The following MAEA variants were observed in gnomAD, a reference collection of about 807,000 sequenced individuals.
The protein encoded by MAEA is E3 ubiquitin-protein transferase MAEA.
A neutral mutation model predicts 46.2 loss-of-function variants in MAEA; 22 were observed. The observed-to-expected ratio is 0.48, with a 90% CI of 0.34 to 0.68. The LOEUF (loss-of-function observed/expected upper bound fraction) is 0.68. Among genes scored for constraint, MAEA ranks in the 30% least tolerant of loss-of-function variants. The pLI is 0.01. For synonymous variants in MAEA, 246 were observed against 222.6 expected (o/e 1.11, Z -0.94); for missense variants, 393 against 558.1 (o/e 0.70, Z 2.98).
At chr4:1,290,769 G>C (rs569269732) in intron 1 of MAEA, among the ~76,000 whole-genome samples, 1 of 152,212 alleles carries the variant, frequency 6.6e-6, no homozygotes, top group Middle Eastern at 3.2e-3. Flanking sequence ...ACGTCCGTCT[G>C]AGGACGGACG....
chr4:1,327,982 C>T (rs747630008), intron 5 of MAEA, among the ~76,000 whole-genome samples: 7 of 152,226 alleles, frequency 4.6e-5, no homozygotes, highest in East Asian at 1.9e-4. Context: ...TTTGAGGTCC[C>T]GACCGTCCAC....
At chr4:1,322,533 TG>T (rs1382685801) in intron 4 of MAEA, 30 bp downstream of exon 4, 1 of 1,610,944 alleles carries the variant, frequency 6.2e-7, no homozygotes, top group Non-Finnish European at 8.5e-7. Context: ...GGGGTGGGAG[TG>T]GGTCGGGGCC....
In MAEA at chr4:1,338,531, C is replaced by T. The variant is rs1262079565; in HGVS notation, c.1009C>T (p.Arg337Cys). Residue 337 changes from arginine (R) to cysteine (C), a missense_variant, in exon 8 of 9, where the codon CGC becomes TGC. By Grantham distance (180) the Arg-to-Cys change is radical (BLOSUM62 -3). Transcript: ENST00000303400. Reference protein sequence around the residue: ...PLPMAHCANSRLVCKISGDVM... With the variant: ...PLPMAHCANSCLVCKISGDVM... ...GCCCATGGCCCACTGTGCCAACTCC[C>T]GCCTGGTCTGCAAGATTTCTGGCGA... 11 of 1,613,288 alleles carry T rather than the reference C, an allele frequency of 6.8e-6. No individual in the cohort carries two copies. The highest frequency in any genetic ancestry group is 7.6e-6 in the Non-Finnish European group (9 of 1,180,024).
At position 1,315,613 on chromosome 4, in the gene MAEA, C is replaced by T; in HGVS notation, c.456+13C>T. On this transcript the variant is annotated intron_variant, in intron 3 of 8. Coordinates refer to ENST00000303400, the MANE Select transcript of MAEA (RefSeq NM_001017405.3). Reference sequence around the variant, plus strand: ...GAGCGGCATCGAGGTGGGTGCCCGCCAGACGCAGGCACAGCGCCCCAGCTG... The same window carrying T: ...GAGCGGCATCGAGGTGGGTGCCCGCTAGACGCAGGCACAGCGCCCCAGCTG... 1 of 1,611,826 alleles carries T rather than the reference C, an allele frequency of 6.2e-7. No homozygotes were observed. The highest frequency in any genetic ancestry group is 8.5e-7 in the Non-Finnish European group (1 of 1,178,970).
chr4:1,337,697 C>G (rs1174697644), intron 7 of MAEA: 1 of 171,752 alleles, frequency 5.8e-6, no homozygotes, highest in Non-Finnish European at 1.3e-5. Context: ...GCCTGTGACT[C>G]TGTCCTCGCC....
At chr4:1,320,450 A>T (rs763091159) in intron 3 of MAEA, among the ~76,000 whole-genome samples, 1 of 151,188 alleles carries the variant, frequency 6.6e-6, no homozygotes. Flanking sequence ...CAAAGCAAAT[A>T]TGCAAGAAAA....
chr4:1,315,686 C>A, intron 3 of MAEA, 86 bp downstream of exon 3: 1 of 1,346,834 alleles, frequency 7.4e-7, no homozygotes, highest in Non-Finnish European at 1.0e-6. Flanking sequence ...CCCGGCATGC[C>A]TGTGTCCCTA....
chr4:1,316,982 TCTAGACTCACCCCCAGGCCCACCCC>T (rs1560356932), intron 3 of MAEA, among the ~76,000 whole-genome samples: 55 of 69,500 alleles, frequency 7.9e-4, no homozygotes, highest in African/African-American at 2.1e-3. Context: ...GGCCCCACAC[TCTAGACTCACCCCCAGGCCCACCCC>T]GGCCCCCACA....
rs1733916454 is a variant in MAEA at position 1,289,939 on chromosome 4, A to G, written c.26A>G (p.Gln9Arg). 8 of 1,601,966 alleles carry G rather than the reference A, an allele frequency of 5.0e-6. No individual in the cohort carries two copies. The highest frequency in any genetic ancestry group is 2.7e-5 in the African/African-American group (2 of 74,410). MAVQESAA[Q>R]LSMTLKVQEY... ...ATGGCGGTGCAGGAGTCGGCGGCTC[A>G]GTTGTCCATGACCCTGAAGGTCCAG... Residue 9 changes from glutamine to arginine, a missense_variant, in exon 1 of 9, where the codon CAG (glutamine) becomes CGG (arginine). Coordinates refer to ENST00000303400, the MANE Select transcript of MAEA (RefSeq NM_001017405.3).
Position 1,339,079 on chromosome 4 carries a change from G to C in MAEA, c.1101G>C (p.Leu367=), listed in dbSNP as rs1387513165. The C allele has an allele frequency of 6.2e-7, 1 of 1,613,404 alleles. No individual in the cohort carries two copies. The highest frequency in any genetic ancestry group is 8.5e-7 in the Non-Finnish European group (1 of 1,179,598). ...PNGYVYGYNS[L]LSIRQDDKVV... is the part of the protein sequence containing the mutation. Reference sequence around the variant, plus strand: ...TTCCCGGTTTTATTTTTCAGTCTCTGCTTTCTATCCGTCAAGATGATAAAG... The same window carrying C: ...TTCCCGGTTTTATTTTTCAGTCTCTCCTTTCTATCCGTCAAGATGATAAAG... Residue 367 remains leucine (L), a synonymous_variant, in exon 9 of 9, where the codon CTG becomes CTC. Transcript: ENST00000303400.
At position 1,309,381 on chromosome 4, in the gene MAEA, C is replaced by T. The variant is rs147790238; in HGVS notation, c.70-2598C>T. ...GCCAGCCCAGGCCAGTGGAGGGGAGCTTTTAGGGCCCGGAGTCACGTGCTG... is the reference window on the plus strand; with the variant it reads ...GCCAGCCCAGGCCAGTGGAGGGGAGTTTTTAGGGCCCGGAGTCACGTGCTG... On this transcript the variant is annotated intron_variant, in intron 1 of 8. Transcript: ENST00000303400. The T allele has an allele frequency of 4.0e-5, 49 of 1,235,962 alleles. No homozygotes were observed. In the Admixed American group the frequency reaches 1.8e-3, roughly 45 times the overall value. 76.6% of individuals were successfully genotyped at this position (1,235,962 alleles called of 1,614,324 possible).
chr4:1,329,375 G>A (rs888857019), intron 5 of MAEA: 94 of 985,288 alleles, frequency 9.5e-5, no homozygotes, highest in Admixed American at 5.5e-4. Context: ...CTAGAGACTC[G>A]CGGGGCCTCC....
rs1414912068 is a variant in MAEA at position 1,332,758 on chromosome 4, CA to C, written c.659del (p.His220LeufsTer47). ...RQNKRLDAVR[H>X]ARKHFSQAEG... ...ATGTGCCAAAATGTTGTTTTTTAGA[CA>C]TGCAAGAAAGCACTTCAGCCAAGCA... On this transcript the variant is annotated frameshift_variant and splice_region_variant, in exon 6 of 9. Coordinates refer to ENST00000303400, the MANE Select transcript of MAEA (RefSeq NM_001017405.3). LOFTEE classifies it high-confidence loss of function. 1 of 1,608,178 alleles carries C rather than the reference CA, an allele frequency of 6.2e-7. No individual in the cohort carries two copies. The highest frequency in any genetic ancestry group is 8.5e-7 in the Non-Finnish European group (1 of 1,176,406).
At position 1,332,863 on chromosome 4, in the gene MAEA, A is replaced by G. The variant is rs1712027071; in HGVS notation, c.763A>G (p.Lys255Glu). The G allele has an allele frequency of 1.9e-6, 3 of 1,609,376 alleles. No individual in the cohort carries two copies. The highest frequency in any genetic ancestry group is 2.5e-6 in the Non-Finnish European group (3 of 1,177,114). Residue 255 changes from lysine to glutamate, a missense_variant and splice_region_variant, in exon 6 of 9, where the codon AAG becomes GAG. Around this residue, in one of 2 missense-constraint regions of MAEA, gnomAD observed 358 missense variants for 537.9 expected, o/e 0.67. Coordinates refer to ENST00000303400, the MANE Select transcript of MAEA (RefSeq NM_001017405.3). Reference protein sequence around the residue: ...FPPDTHISPYKDLLDPARWRM... With the variant: ...FPPDTHISPYEDLLDPARWRM... ...GCCCGACACGCACATCTCCCCGTAC[A>G]AGGTAGGGCGTGCGTCCCTGGGGTC...
At chr4:1,329,726 G>A (rs1739297963) in intron 5 of MAEA, 1 of 985,598 alleles carries the variant, frequency 1.0e-6, no homozygotes, top group Non-Finnish European at 1.2e-6. Flanking sequence ...GCATCGGCAG[G>A]ACGTTTGTGG....
intron 1 of MAEA, among the ~76,000 whole-genome samples, chr4:1,290,984 A>AG (rs1214695854): frequency 1.3e-5 from 2 of 152,186 alleles, no homozygotes; most frequent in African/African-American, 4.8e-5. Context: ...AAGCAGTGGT[A>AG]GCGCCTGTGT....
chr4:1,312,256 G>A lies in MAEA; in HGVS notation c.252+95G>A, dbSNP rs773387206. 21 of 1,473,690 alleles carry A rather than the reference G, an allele frequency of 1.4e-5. No homozygotes were observed. In the African/African-American group the frequency reaches 2.4e-4, roughly 17 times the overall value. The allele number at this position is 1,473,690 out of a possible 1,614,324, so 91.3% of individuals were successfully genotyped here. A position where few individuals can be genotyped will look rare whatever the true frequency, so the allele number is the denominator to read the frequency against. On this transcript the variant is annotated intron_variant, in intron 2 of 8. Transcript: ENST00000303400. ...TAAGACAGGCAAGCTGCAATGATGGGAACGCGGGAGGTGCGGTTGGGGGCC... is the reference window on the plus strand; with the variant it reads ...TAAGACAGGCAAGCTGCAATGATGGAAACGCGGGAGGTGCGGTTGGGGGCC...
Position 1,322,504 on chromosome 4 carries a change from G to A in MAEA, c.579+1G>A. 1.2e-6 allele frequency: 2 copies of A among 1,613,552 alleles called. No individual in the cohort carries two copies. Among genetic ancestry groups the A allele is most frequent in the Non-Finnish European group, 1.7e-6 (2 of 1,179,864 alleles). On this transcript the variant is annotated splice_donor_variant, in intron 4 of 8. Transcript: ENST00000303400. LOFTEE classifies it high-confidence loss of function. ...CAAGTCCCGGCTCCGGAAGATGAAGGTGCACGGACTCCCAGGTTGGGGTGG... is the reference window on the plus strand; with the variant it reads ...CAAGTCCCGGCTCCGGAAGATGAAGATGCACGGACTCCCAGGTTGGGGTGG...
intron 7 of MAEA, 49 bp from the exon 8 acceptor site, chr4:1,338,373 C>A: frequency 6.6e-7 from 1 of 1,514,222 alleles, no homozygotes; most frequent in Non-Finnish European, 9.0e-7. Context: ...GCTGGGCTCA[C>A]CCCGGCTGCC....
Sources: allele counts gnomAD v4.1 joint callset (sites outside exome capture counted in the v4.1 genomes callset), GRCh38; gene constraint gnomAD v4.1.1; regional missense constraint gnomAD v4.1.1; transcripts MANE v1.5; gene names NCBI Gene and HGNC (gene_info 2026-07-23, HGNC 2026-07-21).